COL4A1: variants seen among roughly 807,000 people sequenced by gnomAD.
The protein encoded by COL4A1 is collagen type IV alpha 1 chain.
In COL4A1, 40 loss-of-function variants were observed where a neutral mutation model predicts 216.6. The ratio of observed to expected loss-of-function variants is 0.18; its 90% CI spans 0.14 to 0.24. The LOEUF (loss-of-function observed/expected upper bound fraction) is 0.24. COL4A1 is among the 10% of genes least tolerant of loss of function. The probability of loss-of-function intolerance (pLI) is 1.00; values close to 1 mark genes in which losing one functional copy is unlikely to be tolerated. For synonymous variants in COL4A1, 839 were observed against 810.7 expected, an observed-to-expected ratio of 1.03 and a Z score of -0.59; for missense variants, 1,628 against 2,196.8, an observed-to-expected ratio of 0.74 and a Z score of 5.18.
At chr13:110,262,256 C>G (rs562863986) in intron 1 of COL4A1, among the ~76,000 whole-genome samples, 1 of 152,192 alleles carries the variant, frequency 6.6e-6, no homozygotes, top group Non-Finnish European at 1.5e-5. Flanking sequence ...AGAGCTTGCC[C>G]TGCACCTGCC....
rs1363802249 is a variant in COL4A1, at chr13:110,306,861, G to C, written c.84+83C>G. 5 of 1,262,820 alleles carry C rather than the reference G, an allele frequency of 4.0e-6. No homozygotes were observed. The East Asian group carries it at 1.6e-4, about 40-fold the overall frequency. The allele number at this position is 1,262,820 out of a possible 1,614,324, so 78.2% of individuals were successfully genotyped here. On this transcript the variant is annotated intron_variant, in intron 1 of 51. Transcript: ENST00000375820. The stretch of plus-strand genomic sequence containing the variant: ...CGCGACCCCCGAGGGGCAGGCGGAC[G>C]GGTCCAGGCGCGGACAAAGGGGCCT...
At chr13:110,180,828 G>T (rs1249299855) in intron 29 of COL4A1, among the ~76,000 whole-genome samples, 1 of 152,184 alleles carries the variant, frequency 6.6e-6, no homozygotes, top group Non-Finnish European at 1.5e-5. Flanking sequence ...TGACCCATAG[G>T]TGGAGGGAGG....
In COL4A1 at chr13:110,256,732, C is replaced by T. The variant is rs574152849; in HGVS notation, c.85-13998G>A. 1.4e-3 allele frequency among the ~76,000 whole-genome samples: 203 copies of T among 146,976 alleles called. 1 individual carries two copies. The Middle Eastern group carries it at 0.038, about 27-fold the overall frequency. On this transcript the variant is annotated intron_variant, in intron 1 of 51. Transcript: ENST00000375820. ...AACCCAGCTACACTCTATTCATGCCCCAGACCGGCGGCGGGGGGGTCTATC... is the reference window on the plus strand; with the variant it reads ...AACCCAGCTACACTCTATTCATGCCTCAGACCGGCGGCGGGGGGGTCTATC...
chr13:110,151,265 C>A (rs1055395179), intron 51 of COL4A1, among the ~76,000 whole-genome samples: 1 of 151,788 alleles, frequency 6.6e-6, no homozygotes, highest in Admixed American at 6.6e-5. Flanking sequence ...ACCTAATTTG[C>A]TTTGGGAAAA....
chr13:110,173,272 G>A (rs542772028), intron 40 of COL4A1, among the ~76,000 whole-genome samples: 2 of 149,206 alleles, frequency 1.3e-5, no homozygotes, highest in South Asian at 2.1e-4. Context: ...ATAAAGTTAT[G>A]GAATGAAAAA....
At chr13:110,157,417 T>C (rs1336759611) in intron 49 of COL4A1, among the ~76,000 whole-genome samples, 1 of 152,184 alleles carries the variant, frequency 6.6e-6, no homozygotes, top group Non-Finnish European at 1.5e-5. Context: ...CTTTCGGACC[T>C]CCCTAAAGGG....
In COL4A1 at chr13:110,205,336, A is replaced by G. The variant is rs1362229967; in HGVS notation, c.957+17T>C. 4 of 1,614,022 alleles carry G rather than the reference A, an allele frequency of 2.5e-6. No homozygotes were observed. Among genetic ancestry groups the G allele is most frequent in the Non-Finnish European group, 3.4e-6 (4 of 1,179,950 alleles). On this transcript the variant is annotated intron_variant, in intron 17 of 51. Coordinates refer to ENST00000375820, the MANE Select transcript of COL4A1 (RefSeq NM_001845.6). ...TGGAAAGTGAAGATAAAGGCTCACA[A>G]TAGTGCCAGCGTTTACCTGCGGGCC...
intron 2 of COL4A1, among the ~76,000 whole-genome samples, chr13:110,233,288 G>A (rs1254024932): frequency 6.6e-6 from 1 of 152,142 alleles, no homozygotes; most frequent in African/African-American, 2.4e-5. Context: ...GTGGAAATAG[G>A]AAATAGGGGA....
At chr13:110,297,779 C>T (rs904019016) in intron 1 of COL4A1, among the ~76,000 whole-genome samples, 1 of 152,204 alleles carries the variant, frequency 6.6e-6, no homozygotes, top group Non-Finnish European at 1.5e-5. Context: ...CAACCACCTG[C>T]ATATTTCCTA....
intron 2 of COL4A1, among the ~76,000 whole-genome samples, chr13:110,223,820 T>C (rs939199591): frequency 1.3e-5 from 2 of 152,162 alleles, no homozygotes; most frequent in African/African-American, 4.8e-5. Flanking sequence ...ACCCCAAGGA[T>C]GGCAGGACAC....
chr13:110,220,334 C>T (rs1467785583), intron 2 of COL4A1, among the ~76,000 whole-genome samples: 2 of 152,190 alleles, frequency 1.3e-5, no homozygotes, highest in African/African-American at 4.8e-5. Flanking sequence ...GCTCAGAAAA[C>T]TTAAACACTG....
At chr13:110,295,304 A>G (rs1286093577) in intron 1 of COL4A1, among the ~76,000 whole-genome samples, 2 of 150,450 alleles carry the variant, frequency 1.3e-5, no homozygotes, top group Non-Finnish European at 3.0e-5. Flanking sequence ...GAGACACAAT[A>G]AAGGAATGGG....
At position 110,182,931 on chromosome 13, in the gene COL4A1, C is replaced by G; in HGVS notation, c.2095+62G>C. 3 of 1,480,510 alleles carry G rather than the reference C, an allele frequency of 2.0e-6. No individual in the cohort carries two copies. The East Asian group carries it at 7.1e-5, about 35-fold the overall frequency. 91.7% of individuals were successfully genotyped at this position (1,480,510 alleles called of 1,614,324 possible). A position where few individuals can be genotyped will look rare whatever the true frequency, so the allele number is the denominator to read the frequency against. On this transcript the variant is annotated intron_variant, in intron 28 of 51. Transcript: ENST00000375820. ...TCTGTGGTGTTTTGATGTCTACCAC[C>G]TCCTCTTTTCTCACAGAAGTCACAG...
intron 17 of COL4A1, among the ~76,000 whole-genome samples, chr13:110,204,966 A>G (rs1215512515): frequency 6.6e-6 from 1 of 152,230 alleles, no homozygotes; most frequent in Non-Finnish European, 1.5e-5. Flanking sequence ...CTTGTTCACT[A>G]TCACCTTTAA....
chr13:110,228,313 G>A (rs1880845681), intron 2 of COL4A1, among the ~76,000 whole-genome samples: 1 of 152,168 alleles, frequency 6.6e-6, no homozygotes, highest in South Asian at 2.1e-4. Context: ...CTGTCACTGG[G>A]TGAAGCAGAT....
intron 1 of COL4A1, among the ~76,000 whole-genome samples, chr13:110,287,512 G>A (rs1883890310): frequency 6.6e-6 from 1 of 152,236 alleles, no homozygotes; most frequent in Non-Finnish European, 1.5e-5. Context: ...ATGAAATGAA[G>A]TGAGTTTACA....
intron 1 of COL4A1, among the ~76,000 whole-genome samples, chr13:110,269,360 TAGAG>T (rs1285533682): frequency 3.9e-5 from 6 of 152,112 alleles, no homozygotes; most frequent in Non-Finnish European, 5.9e-5. Context: ...TCCTACGACA[TAGAG>T]AGAACATTGT....
intron 46 of COL4A1, 102 bp downstream of exon 46, chr13:110,164,760 T>A: frequency 6.6e-7 from 1 of 1,506,802 alleles, no homozygotes. Context: ...GTGTGTATAA[T>A]CATTACCCAG....
At chr13:110,262,691 C>T (rs1416635438) in intron 1 of COL4A1, among the ~76,000 whole-genome samples, 1 of 152,156 alleles carries the variant, frequency 6.6e-6, no homozygotes, top group Admixed American at 6.5e-5. Context: ...GAAAGTGAAA[C>T]AATACATGTT....
Sources: gnomAD v4.1 joint callset for allele counts (sites outside exome capture counted in the v4.1 genomes callset) on GRCh38, gnomAD v4.1.1 for gene constraint, MANE v1.5 for transcripts, NCBI Gene and HGNC (gene_info 2026-07-23, HGNC 2026-07-21) for gene names.